Variants in FAT3 observed in about 807,000 individuals in gnomAD.
FAT3 encodes protocadherin Fat 3.
A neutral mutation model predicts 310.2 loss-of-function variants in FAT3; 95 were observed. The observed-to-expected ratio is 0.31, with a 90% CI of 0.26 to 0.36. FAT3 has a LOEUF of 0.36. Among genes scored for constraint, FAT3 ranks in the 10% least tolerant of loss-of-function variants. FAT3 has a pLI of 1.00. For synonymous variants in FAT3, 2,314 were observed against 2,192.9 expected, an observed-to-expected ratio of 1.06 and a Z score of -1.54; for missense variants, 5,408 against 5,715.6, an observed-to-expected ratio of 0.95 and a Z score of 1.74.
At chr11:92,555,853 C>A (rs1462073432) in intron 3 of FAT3, among the ~76,000 whole-genome samples, 1 of 152,330 alleles carries the variant, frequency 6.6e-6, no homozygotes, top group East Asian at 1.9e-4. Context: ...TACATTATGT[C>A]GTTCCTTTCT....
intron 2 of FAT3, among the ~76,000 whole-genome samples, chr11:92,427,633 G>A (rs892416845): frequency 6.6e-6 from 1 of 152,100 alleles, no homozygotes; most frequent in African/African-American, 2.4e-5. Context: ...TAATCATGTG[G>A]TTTTTGTCTT....
At chr11:92,394,918 A>G (rs561235084) in intron 2 of FAT3, among the ~76,000 whole-genome samples, 2 of 152,280 alleles carry the variant, frequency 1.3e-5, no homozygotes, top group African/African-American at 4.8e-5. Context: ...AGCACATTAA[A>G]TGTATCCTCA....
chr11:92,730,644 A>C (rs1029225236), intron 4 of FAT3, among the ~76,000 whole-genome samples: 4 of 152,180 alleles, frequency 2.6e-5, no homozygotes, highest in Non-Finnish European at 5.9e-5. Context: ...TTTGCGCTAG[A>C]AGAAAATTTT....
intron 2 of FAT3, among the ~76,000 whole-genome samples, chr11:92,422,979 C>G (rs894374803): frequency 6.6e-6 from 1 of 152,120 alleles, no homozygotes; most frequent in Non-Finnish European, 1.5e-5. Context: ...CTATGTCTGT[C>G]ACTCAAAGGA....
chr11:92,272,966 G>C (rs1339009562), intron 1 of FAT3, among the ~76,000 whole-genome samples: 3 of 152,122 alleles, frequency 2.0e-5, no homozygotes, highest in African/African-American at 7.2e-5. Context: ...CTTACTCCAA[G>C]GGGCCTGGAG....
At chr11:92,699,881 A>T (rs1357156148) in intron 4 of FAT3, among the ~76,000 whole-genome samples, 4 of 152,194 alleles carry the variant, frequency 2.6e-5, no homozygotes, top group Non-Finnish European at 5.9e-5. Flanking sequence ...TTATCACATG[A>T]TGACATAATA....
At chr11:92,843,386 T>G (rs1284657086) in intron 18 of FAT3, among the ~76,000 whole-genome samples, 3 of 152,220 alleles carry the variant, frequency 2.0e-5, no homozygotes, top group African/African-American at 7.2e-5. Context: ...TTCTTACACA[T>G]GGAAGGAAGA....
At position 92,866,806 on chromosome 11, in the gene FAT3, G is replaced by C. The variant is rs1949258533; in HGVS notation, c.11724G>C (p.Ser3908=). 5 of 1,613,876 alleles carry C rather than the reference G, an allele frequency of 3.1e-6. No homozygotes were observed. The highest frequency in any genetic ancestry group is 2.2e-5 in the East Asian group (1 of 44,872). The part of the protein sequence containing the change: ...CGSGPGILGI[S]GRAVNDGSWH... ...GCGGCCCTGGAATCTTGGGCATCTC[G>C]GGCCGTGCTGTCAACGACGGGAGCT... The change falls in exon 22 of 28, where the codon TCG becomes TCC. Residue 3908 remains serine, a synonymous_variant. Transcript: ENST00000525166.
intron 3 of FAT3, among the ~76,000 whole-genome samples, chr11:92,546,960 A>G (rs1290786383): frequency 6.6e-6 from 1 of 152,216 alleles, no homozygotes; most frequent in Non-Finnish European, 1.5e-5. Flanking sequence ...CAATTAGATT[A>G]ATTTCCCCAG....
rs563832013 is a variant in FAT3 at position 92,310,073 on chromosome 11, G to A, written c.-17-42023G>A. On this transcript the variant is annotated intron_variant, in intron 1 of 27. Transcript: ENST00000525166. Reference sequence around the variant, plus strand: ...AGAAAAACAACAAAAAACACCCTTTGATTCATGATGTTTATTTTAATTTAA... The same window carrying A: ...AGAAAAACAACAAAAAACACCCTTTAATTCATGATGTTTATTTTAATTTAA... Among the ~76,000 whole-genome samples, 43 of 151,972 alleles carry A rather than the reference G, an allele frequency of 2.8e-4. No individual in the cohort carries two copies. The South Asian group carries it at 8.3e-3, about 29-fold the overall frequency.
chr11:92,538,302 C>T (rs1421865920), intron 3 of FAT3, among the ~76,000 whole-genome samples: 1 of 152,134 alleles, frequency 6.6e-6, no homozygotes, highest in Non-Finnish European at 1.5e-5. Context: ...AGTACACCCA[C>T]AAGAAGGATG....
intron 4 of FAT3, among the ~76,000 whole-genome samples, chr11:92,728,922 C>T (rs1199738891): frequency 6.6e-6 from 1 of 152,176 alleles, no homozygotes; most frequent in African/African-American, 2.4e-5. Context: ...TCTCAAGATC[C>T]TTAACTTAAT....
At chr11:92,794,325 T>C (rs190320547) in intron 9 of FAT3, among the ~76,000 whole-genome samples, 14 of 152,352 alleles carry the variant, frequency 9.2e-5, no homozygotes, top group Non-Finnish European at 1.5e-4. Flanking sequence ...ATTCTTTCTA[T>C]GGTTTTTTCC....
chr11:92,836,436 A>C, intron 15 of FAT3, 130 bp from the exon 16 acceptor site: 1 of 1,017,696 alleles, frequency 9.8e-7, no homozygotes, highest in South Asian at 2.1e-5. Flanking sequence ...CGTGGTCACT[A>C]ACATTAGAGA....
At chr11:92,479,827 C>G (rs569866150) in intron 2 of FAT3, among the ~76,000 whole-genome samples, 1 of 152,254 alleles carries the variant, frequency 6.6e-6, no homozygotes, top group South Asian at 2.1e-4. Flanking sequence ...TGTGTGGTAT[C>G]CTTCTCCCCT....
intron 7 of FAT3, among the ~76,000 whole-genome samples, chr11:92,775,565 A>G (rs1368675922): frequency 1.3e-5 from 2 of 152,190 alleles, no homozygotes; most frequent in Non-Finnish European, 2.9e-5. Flanking sequence ...GGATGATCAT[A>G]TGACTCTGTT....
intron 2 of FAT3, among the ~76,000 whole-genome samples, chr11:92,359,782 A>G (rs1315426473): frequency 7.0e-6 from 1 of 143,178 alleles, no homozygotes; most frequent in Non-Finnish European, 1.5e-5. Flanking sequence ...TTCCAATTTC[A>G]TCCATGTCCC....
intron 7 of FAT3, among the ~76,000 whole-genome samples, chr11:92,780,577 G>T (rs1014517668): frequency 1.3e-5 from 2 of 152,164 alleles, no homozygotes; most frequent in African/African-American, 2.4e-5. Context: ...GTAGATCAGG[G>T]TTTATATCCA....
chr11:92,493,351 A>C (rs906502412), intron 2 of FAT3, among the ~76,000 whole-genome samples: 1 of 152,058 alleles, frequency 6.6e-6, no homozygotes, highest in Admixed American at 6.6e-5. Context: ...AGCTGCAGAC[A>C]CTGGCTCCTT....
Sources: gnomAD v4.1 joint callset for allele counts (sites outside exome capture counted in the v4.1 genomes callset) on GRCh38, gnomAD v4.1.1 for gene constraint, MANE v1.5 for transcripts, NCBI Gene and HGNC (gene_info 2026-07-23, HGNC 2026-07-21) for gene names.